Variants in PPM1L observed in about 807,000 individuals in gnomAD.
The protein encoded by PPM1L is protein phosphatase, Mg2+/Mn2+ dependent 1L.
A neutral mutation model predicts 31.4 loss-of-function variants in PPM1L; 13 were observed. That is an observed-to-expected ratio of 0.41 (90% CI 0.27 to 0.66). The LOEUF is 0.66. Among genes scored for constraint, PPM1L ranks in the 30% least tolerant of loss-of-function variants. The pLI is 0.29. For synonymous variants in PPM1L, 184 were observed against 175.4 expected, an observed-to-expected ratio of 1.05 and a Z score of -0.39; for missense variants, 326 against 453.7, an observed-to-expected ratio of 0.72 and a Z score of 2.56.
intron 2 of PPM1L, among the ~76,000 whole-genome samples, chr3:160,971,381 C>T (rs2108116657): frequency 6.6e-6 from 1 of 152,334 alleles, no homozygotes; most frequent in East Asian, 1.9e-4. Context: ...ACAGTACCCA[C>T]CACTAGAAAT....
At chr3:160,959,755 C>A (rs1017708321) in intron 1 of PPM1L, among the ~76,000 whole-genome samples, 1 of 152,098 alleles carries the variant, frequency 6.6e-6, no homozygotes, top group Non-Finnish European at 1.5e-5. Context: ...ATCGTTTGAA[C>A]CCAGGAGGTG....
At position 160,988,266 on chromosome 3, in the gene PPM1L, C is replaced by T. The variant is rs557787497; in HGVS notation, c.574+26356C>T. Among the ~76,000 whole-genome samples the T allele has an allele frequency of 2.1e-3, 321 of 152,060 alleles. 1 individual carries two copies. The highest frequency in any genetic ancestry group is 0.01 in the Middle Eastern group (3 of 294). On this transcript the variant is annotated intron_variant, in intron 2 of 3. Transcript: ENST00000498165. ...TATGACATCCATGGGAAGGTGAGGT[C>T]TGCAAACATTCAGGTTAAGGAGTTA...
At chr3:160,820,777 T>C (rs1713176122) in intron 1 of PPM1L, among the ~76,000 whole-genome samples, 1 of 152,114 alleles carries the variant, frequency 6.6e-6, no homozygotes, top group Non-Finnish European at 1.5e-5. Context: ...TATCTCTTTT[T>C]CTGTTAATGG....
At chr3:160,809,986 T>TTA (rs957117804) in intron 1 of PPM1L, among the ~76,000 whole-genome samples, 3 of 152,118 alleles carry the variant, frequency 2.0e-5, no homozygotes, top group Admixed American at 2.0e-4. Flanking sequence ...TTTGTAATGG[T>TTA]TATATGATAT....
chr3:160,922,196 G>A (rs1462870728), intron 1 of PPM1L, among the ~76,000 whole-genome samples: 1 of 152,128 alleles, frequency 6.6e-6, no homozygotes, highest in East Asian at 1.9e-4. Context: ...TGTAGTCCCA[G>A]CTACTTGGGA....
At chr3:160,970,444 A>ATTTT (rs1559908005) in intron 2 of PPM1L, among the ~76,000 whole-genome samples, 1 of 118,706 alleles carries the variant, frequency 8.4e-6, no homozygotes, top group African/African-American at 3.4e-5. Context: ...AACCAAGCTG[A>ATTTT]ATATTTTTTT....
intron 2 of PPM1L, among the ~76,000 whole-genome samples, chr3:160,970,787 A>T (rs1716304764): frequency 3.1e-5 from 3 of 97,192 alleles, no homozygotes; most frequent in East Asian, 2.4e-4. Context: ...TTCAGTTATA[A>T]TTTTTTTTTT....
chr3:161,009,968 T>C (rs1308632680), intron 2 of PPM1L, among the ~76,000 whole-genome samples: 1 of 152,196 alleles, frequency 6.6e-6, no homozygotes, highest in African/African-American at 2.4e-5. Context: ...CAACTCCAAA[T>C]TATAAAATAT....
At chr3:160,913,916 G>A (rs777435699) in intron 1 of PPM1L, among the ~76,000 whole-genome samples, 11 of 152,114 alleles carry the variant, frequency 7.2e-5, no homozygotes, top group Non-Finnish European at 1.3e-4. Context: ...CATCTGAGTA[G>A]AAATATGTTT....
intron 2 of PPM1L, among the ~76,000 whole-genome samples, chr3:160,969,356 G>A (rs374196823): frequency 3.9e-5 from 6 of 152,112 alleles, no homozygotes; most frequent in African/African-American, 1.2e-4. Flanking sequence ...AAAATAGATG[G>A]TGCCTGAAAG....
At chr3:161,015,367 A>G (rs1024398093) in intron 2 of PPM1L, among the ~76,000 whole-genome samples, 1 of 152,186 alleles carries the variant, frequency 6.6e-6, no homozygotes, top group Non-Finnish European at 1.5e-5. Context: ...GTAGTAAAAC[A>G]AAACAATTTG....
chr3:160,800,106 T>G (rs1011230016), intron 1 of PPM1L, among the ~76,000 whole-genome samples: 1 of 152,252 alleles, frequency 6.6e-6, no homozygotes, highest in Non-Finnish European at 1.5e-5. Context: ...AAGTGCATAC[T>G]GATTTTAAAA....
intron 1 of PPM1L, among the ~76,000 whole-genome samples, chr3:160,827,686 T>C (rs983091080): frequency 6.6e-6 from 1 of 151,372 alleles, no homozygotes; most frequent in Non-Finnish European, 1.5e-5. Flanking sequence ...GGCCTCTGCA[T>C]ACTCTATCTA....
chr3:160,876,926 GC>G (rs1194463703), intron 1 of PPM1L, among the ~76,000 whole-genome samples: 1 of 152,134 alleles, frequency 6.6e-6, no homozygotes, highest in African/African-American at 2.4e-5. Flanking sequence ...AATGACTTCT[GC>G]ACCTAGGCAA....
chr3:160,956,681 G>C (rs578255639), intron 1 of PPM1L, among the ~76,000 whole-genome samples: 1 of 152,220 alleles, frequency 6.6e-6, no homozygotes, highest in African/African-American at 2.4e-5. Context: ...CCATTTTGGC[G>C]TGTGAATTAT....
At chr3:160,962,616 A>G (rs1716004386) in intron 2 of PPM1L, among the ~76,000 whole-genome samples, 3 of 152,046 alleles carry the variant, frequency 2.0e-5, no homozygotes. Context: ...GAGAAAAAGT[A>G]CAGGAAAAAA....
At chr3:161,047,180 T>C (rs1179050874) in intron 2 of PPM1L, among the ~76,000 whole-genome samples, 1 of 152,166 alleles carries the variant, frequency 6.6e-6, no homozygotes, top group African/African-American at 2.4e-5. Flanking sequence ...TGATTGCATA[T>C]TTAGAAAACC....
chr3:160,799,283 A>G (rs1712353103), intron 1 of PPM1L, among the ~76,000 whole-genome samples: 1 of 152,236 alleles, frequency 6.6e-6, no homozygotes, highest in Non-Finnish European at 1.5e-5. Flanking sequence ...ACAGCATCAT[A>G]TGCTACAGAG....
intron 1 of PPM1L, among the ~76,000 whole-genome samples, chr3:160,942,025 A>G (rs1339746615): frequency 6.6e-6 from 1 of 152,130 alleles, no homozygotes; most frequent in Non-Finnish European, 1.5e-5. Context: ...CACGCTTACT[A>G]CTTTATTCAT....
Sources: allele counts gnomAD v4.1 joint callset (sites outside exome capture counted in the v4.1 genomes callset), GRCh38; gene constraint gnomAD v4.1.1; transcripts MANE v1.5; gene names NCBI Gene and HGNC (gene_info 2026-07-23, HGNC 2026-07-21).